ZPBP: variants seen among roughly 807,000 people sequenced by gnomAD.
ZPBP encodes zona pellucida-binding protein 1.
ZPBP carries 26 observed loss-of-function variants against 44.8 expected under a neutral mutation model. That is an observed-to-expected ratio of 0.58 (90% CI 0.43 to 0.81). The LOEUF (loss-of-function observed/expected upper bound fraction) is 0.81. Among genes scored for constraint, ZPBP ranks in the 30% least tolerant of loss-of-function variants. The pLI is 0.00. For synonymous variants in ZPBP, 174 were observed against 153.2 expected, an observed-to-expected ratio of 1.14 and a Z score of -1.00; for missense variants, 409 against 434.0, an observed-to-expected ratio of 0.94 and a Z score of 0.51.
chr7:49,964,616 A>G lies in ZPBP; in HGVS notation c.961+18726T>C, dbSNP rs114277939. ...AGAAAGACAGGTATATCACACTTAC[A>G]GACATGAAGCACATTCTTTCCAAAT... is the stretch of plus-strand genomic sequence containing the variant. On this transcript the variant is annotated intron_variant, in intron 7 of 7. Coordinates refer to ENST00000046087, the MANE Select transcript of ZPBP (RefSeq NM_007009.3). Among the ~76,000 whole-genome samples, 1,152 of 152,246 alleles carry G rather than the reference A, an allele frequency of 7.6e-3. 23 individuals carry two copies. The highest frequency in any genetic ancestry group is 0.026 in the African/African-American group (1,092 of 41,574).
At chr7:49,982,207 A>ATATTTATAT (rs1436548018) in intron 7 of ZPBP, among the ~76,000 whole-genome samples, 18,417 of 44,594 alleles carry the variant, frequency 0.41, 2,525 homozygotes, top group Non-Finnish European at 0.46. Context: ...TTTATTATAT[A>ATATTTATAT]TATATATAAT....
At chr7:50,061,348 A>G (rs1188913044) in intron 3 of ZPBP, among the ~76,000 whole-genome samples, 2 of 152,172 alleles carry the variant, frequency 1.3e-5, no homozygotes, top group Non-Finnish European at 2.9e-5. Context: ...AGTCATCCAA[A>G]CAGGAAAAGA....
At chr7:50,009,878 C>T (rs1019956903) in intron 6 of ZPBP, among the ~76,000 whole-genome samples, 9 of 151,810 alleles carry the variant, frequency 5.9e-5, no homozygotes, top group African/African-American at 1.9e-4. Context: ...TAAAACATAA[C>T]GTTCTTCAAA....
chr7:50,030,801 A>C (rs1039652561), intron 5 of ZPBP, among the ~76,000 whole-genome samples: 4 of 152,198 alleles, frequency 2.6e-5, no homozygotes, highest in Non-Finnish European at 5.9e-5. Context: ...ATGATTTTAC[A>C]AATTAAATCA....
downstream of ZPBP, among the ~76,000 whole-genome samples, chr7:49,849,821 C>T (rs1313352179): frequency 6.6e-6 from 1 of 152,218 alleles, no homozygotes; most frequent in South Asian, 2.1e-4. Context: ...GGTAGAATCA[C>T]TTCTCAGATT....
chr7:49,857,369 C>CT (rs1413203331), intron 2 of ZPBP, among the ~76,000 whole-genome samples: 1 of 152,174 alleles, frequency 6.6e-6, no homozygotes, highest in Non-Finnish European at 1.5e-5. Flanking sequence ...GGATTTCCTT[C>CT]TTTTTTAAGC....
intron 1 of ZPBP, among the ~76,000 whole-genome samples, chr7:49,931,421 T>C (rs539653302): frequency 1.0e-3 from 153 of 152,326 alleles, no homozygotes; most frequent in Admixed American, 2.9e-3. Context: ...AAGTCCAGGT[T>C]GAGGTGGTCT....
chr7:50,081,735 T>C (rs996709950), intron 3 of ZPBP, 39 bp downstream of exon 3: 2 of 1,604,750 alleles, frequency 1.2e-6, no homozygotes, highest in African/African-American at 1.3e-5. Context: ...ACAATTCAGA[T>C]ACATTTATTT....
chr7:49,953,204 A>G (rs961124596), intron 7 of ZPBP, among the ~76,000 whole-genome samples: 3 of 152,084 alleles, frequency 2.0e-5, no homozygotes, highest in Non-Finnish European at 4.4e-5. Flanking sequence ...GAAGACCAAC[A>G]CTGCTGGAGT....
chr7:49,954,849 A>C (rs932532816), intron 7 of ZPBP, among the ~76,000 whole-genome samples: 1 of 152,222 alleles, frequency 6.6e-6, no homozygotes, highest in Non-Finnish European at 1.5e-5. Flanking sequence ...ATAGAAGATT[A>C]ACTTACTAAA....
chr7:50,048,439 G>T (rs776873404), intron 4 of ZPBP, among the ~76,000 whole-genome samples: 4 of 152,008 alleles, frequency 2.6e-5, no homozygotes, highest in Non-Finnish European at 5.9e-5. Context: ...AATACACATG[G>T]AACATTCTCA....
At chr7:49,934,927 T>C (rs1794571280), downstream of ZPBP, among the ~76,000 whole-genome samples, 1 of 152,274 alleles carries the variant, frequency 6.6e-6, no homozygotes, top group Admixed American at 6.5e-5. Context: ...ATGATATAAT[T>C]GCTAAAAAAT....
Position 49,983,296 on chromosome 7 carries a change from T to A in ZPBP, c.961+46A>T, listed in dbSNP as rs757970862. 3.8e-6 allele frequency: 6 copies of A among 1,582,030 alleles called. No individual in the cohort carries two copies. In the Admixed American group the frequency reaches 8.4e-5, roughly 22 times the overall value. Reference sequence around the variant, plus strand: ...TTCACTTAGGCTTAATGAAAACACATAAATTTTCAACAATATAAAACATGA... The same window carrying A: ...TTCACTTAGGCTTAATGAAAACACAAAAATTTTCAACAATATAAAACATGA... On this transcript the variant is annotated intron_variant, in intron 7 of 7. Transcript: ENST00000046087.
At chr7:50,055,620 A>C (rs1021353602) in intron 4 of ZPBP, among the ~76,000 whole-genome samples, 19 of 152,196 alleles carry the variant, frequency 1.2e-4, no homozygotes, top group African/African-American at 4.6e-4. Flanking sequence ...CAGTGCCTAC[A>C]TCACAGTTTG....
At chr7:50,052,291 T>G (rs1800734556) in intron 4 of ZPBP, among the ~76,000 whole-genome samples, 1 of 152,090 alleles carries the variant, frequency 6.6e-6, no homozygotes, top group African/African-American at 2.4e-5. Context: ...GGTCAAAAGA[T>G]ATGAACAGAA....
At chr7:50,041,523 C>T (rs1273205490) in intron 4 of ZPBP, among the ~76,000 whole-genome samples, 3 of 152,154 alleles carry the variant, frequency 2.0e-5, no homozygotes, top group Admixed American at 6.5e-5. Flanking sequence ...AAGAAGGTCT[C>T]GAGTGGACCT....
intron 7 of ZPBP, among the ~76,000 whole-genome samples, chr7:49,961,341 T>C (rs927878761): frequency 6.6e-6 from 1 of 152,212 alleles, no homozygotes; most frequent in Non-Finnish European, 1.5e-5. Context: ...AAAATCATTA[T>C]GCTAATAAAA....
intron 2 of ZPBP, among the ~76,000 whole-genome samples, chr7:49,892,027 G>A (rs1431120347): frequency 1.5e-5 from 2 of 131,568 alleles, no homozygotes; most frequent in East Asian, 4.9e-4. Context: ...AACAGACAAA[G>A]TAGATTTTTT....
At chr7:49,995,080 C>G (rs1797761739) in intron 6 of ZPBP, among the ~76,000 whole-genome samples, 1 of 152,092 alleles carries the variant, frequency 6.6e-6, no homozygotes, top group Admixed American at 6.5e-5. Flanking sequence ...GGCAGAAGGT[C>G]CCCAAATTTT....
Sources: allele counts gnomAD v4.1 joint callset (sites outside exome capture counted in the v4.1 genomes callset), GRCh38; gene constraint gnomAD v4.1.1; transcripts MANE v1.5; gene names NCBI Gene and HGNC (gene_info 2026-07-23, HGNC 2026-07-21).